Variants in PTPRN2 observed in about 807,000 individuals in gnomAD.
PTPRN2 encodes protein tyrosine phosphatase receptor type N2.
In PTPRN2, 74 loss-of-function variants were observed where a neutral mutation model predicts 118.8. The ratio of observed to expected loss-of-function variants is 0.62; its 90% CI spans 0.52 to 0.76. The LOEUF is 0.76. Among genes scored for constraint, PTPRN2 ranks in the 30% least tolerant of loss-of-function variants. The pLI is 0.00. For missense variants in PTPRN2, 1,481 were observed against 1,394.4 expected, an observed-to-expected ratio of 1.06 and a Z score of -0.99; for synonymous variants, 641 against 608.0, an observed-to-expected ratio of 1.05 and a Z score of -0.80.
intron 3 of PTPRN2, among the ~76,000 whole-genome samples, chr7:158,266,026 G>A (rs182382394): frequency 1.8e-4 from 28 of 152,324 alleles, no homozygotes; most frequent in African/African-American, 6.3e-4. Flanking sequence ...GACAGTGTCT[G>A]CTGCGGTGTG....
At chr7:158,152,173 C>CA (rs56870265) in intron 6 of PTPRN2, among the ~76,000 whole-genome samples, 15,828 of 83,292 alleles carry the variant, frequency 0.19, 1,718 homozygotes, top group Middle Eastern at 0.32. Context: ...GACTCTGTCT[C>CA]AAAAAAAAAA....
intron 14 of PTPRN2, among the ~76,000 whole-genome samples, chr7:157,654,665 G>A (rs953406620): frequency 6.6e-6 from 1 of 152,212 alleles, no homozygotes; most frequent in Non-Finnish European, 1.5e-5. Flanking sequence ...CTGTCCTTGC[G>A]GTTTAGGCAT....
chr7:158,253,879 C>T (rs12668895), intron 3 of PTPRN2, among the ~76,000 whole-genome samples: 52,893 of 76,562 alleles, frequency 0.69, 18,004 homozygotes, highest in African/African-American at 0.79. Flanking sequence ...AACTGCACGG[C>T]GGCACAGAGC....
intron 10 of PTPRN2, among the ~76,000 whole-genome samples, chr7:158,090,896 G>A (rs1207704743): frequency 6.6e-6 from 1 of 152,150 alleles, no homozygotes; most frequent in Non-Finnish European, 1.5e-5. Flanking sequence ...ATCTCAAAGT[G>A]ATTTTCTGAA....
At chr7:158,548,529 G>A (rs981263133) in intron 1 of PTPRN2, among the ~76,000 whole-genome samples, 9 of 152,112 alleles carry the variant, frequency 5.9e-5, no homozygotes, top group South Asian at 2.1e-4. Context: ...GATGACCAGG[G>A]GGCTCTTCCT....
chr7:157,637,031 A>G (rs1247303742), intron 14 of PTPRN2, among the ~76,000 whole-genome samples: 3 of 152,252 alleles, frequency 2.0e-5, no homozygotes, highest in Non-Finnish European at 2.9e-5. Context: ...TTATTTGAAC[A>G]ATATGAACAA....
chr7:158,110,986 GCCCCACAGCCCCGCTCCCTGGT>G (rs1414641433), intron 9 of PTPRN2, 71 bp from the exon 10 acceptor site: 1 of 1,305,232 alleles, frequency 7.7e-7, no homozygotes, highest in African/African-American at 1.5e-5. Flanking sequence ...AAGCCCTGTG[GCCCCACAGCCCCGCTCCCTGGT>G]CCCCACACAC....
rs766051371 is a variant in PTPRN2, at chr7:157,615,792, C to A, written c.2344+5570G>T. The A allele has an allele frequency of 2.7e-6, 1 of 365,896 alleles. No individual in the cohort carries two copies. The highest frequency in any genetic ancestry group is 5.5e-6 in the Non-Finnish European group (1 of 183,090). The allele number at this position is 365,896 out of a possible 1,614,324, so 22.7% of individuals were successfully genotyped here. Reference sequence around the variant, plus strand: ...CAGGAGATGAACACAAGGCTCGATTCTCCTGTTAAACTTGACTGTCACCAA... The same window carrying A: ...CAGGAGATGAACACAAGGCTCGATTATCCTGTTAAACTTGACTGTCACCAA... On this transcript the variant is annotated intron_variant, in intron 15 of 22. Coordinates refer to ENST00000389418, the MANE Select transcript of PTPRN2 (RefSeq NM_002847.5). The surrounding 1 kb of genome is among the most constrained non-coding windows in gnomAD (Gnocchi z 4.3).
intron 3 of PTPRN2, among the ~76,000 whole-genome samples, chr7:158,246,813 G>C (rs1048953070): frequency 6.6e-6 from 1 of 152,030 alleles, no homozygotes; most frequent in African/African-American, 2.4e-5. Context: ...GGAATCCGTG[G>C]TCATGCCGGA....
chr7:158,487,696 C>T (rs1247080001), intron 2 of PTPRN2, among the ~76,000 whole-genome samples: 5 of 152,128 alleles, frequency 3.3e-5, no homozygotes, highest in Non-Finnish European at 7.3e-5. Flanking sequence ...CCTGGGCTGC[C>T]GCACCCCTGG....
chr7:158,129,988 T>C (rs142488622), intron 9 of PTPRN2, among the ~76,000 whole-genome samples: 3 of 152,342 alleles, frequency 2.0e-5, no homozygotes, highest in East Asian at 3.9e-4. Context: ...TATTTTAGTG[T>C]AAGCTTCAAG....
intron 12 of PTPRN2, among the ~76,000 whole-genome samples, chr7:157,848,007 T>C (rs1303785521): frequency 2.1e-5 from 3 of 144,744 alleles, no homozygotes; most frequent in South Asian, 2.4e-4. Context: ...CATGTGTGCC[T>C]GATGTTTACA....
intron 3 of PTPRN2, among the ~76,000 whole-genome samples, chr7:158,284,770 G>A (rs1302174303): frequency 6.6e-6 from 1 of 152,220 alleles, no homozygotes; most frequent in African/African-American, 2.4e-5. Context: ...GTGAGCAGGT[G>A]CAGGCGATGA....
rs369900225 is a variant in PTPRN2, at chr7:157,603,977, G to A, written c.2418+25C>T. The stretch of plus-strand genomic sequence containing the variant: ...CGTGCCACCCAAGGGAAAGCCTGGG[G>A]CCCCTGTCCCGGCAGTGCACTTACG... On this transcript the variant is annotated intron_variant, in intron 16 of 22. Transcript: ENST00000389418. This position sits in a 1 kb window ranked among gnomAD's most constrained non-coding sequence, Gnocchi z 5.4. 1.1e-5 allele frequency: 17 copies of A among 1,609,662 alleles called. No homozygotes were observed. Among genetic ancestry groups the A allele is most frequent in the Non-Finnish European group, 1.4e-5 (16 of 1,176,548 alleles).
chr7:158,071,299 TGGTGGAGGTG>T lies in PTPRN2; in HGVS notation c.1723+9989_1723+9998del, dbSNP rs1811495991. Among the ~76,000 whole-genome samples, 2 of 113,766 alleles carry T rather than the reference TGGTGGAGGTG, an allele frequency of 1.8e-5. 1 individual carries two copies. The highest frequency in any genetic ancestry group is 1.8e-4 in the Admixed American group (2 of 11,370). 74.6% of individuals were successfully genotyped at this position (113,766 alleles called of 152,430 possible). ...GTGCCCGTGGTGGTGGAGGTGCTCG[TGGTGGAGGTG>T]CCCATGGTAGTGGAGGTGCCCATGG... On this transcript the variant is annotated intron_variant, in intron 11 of 22. Coordinates refer to ENST00000389418, the MANE Select transcript of PTPRN2 (RefSeq NM_002847.5).
In PTPRN2 at chr7:157,583,060, T is replaced by A. The variant is rs139481307; in HGVS notation, c.2497-4920A>T. ...GCAGAACTATTCACAATAAACAAGA[T>A]TTGGAACAACCCACATGTCTGTCAA... On this transcript the variant is annotated intron_variant, in intron 17 of 22. Transcript: ENST00000389418. The surrounding 1 kb of genome is among the most constrained non-coding windows in gnomAD (Gnocchi z 5.5). Among the ~76,000 whole-genome samples the A allele has an allele frequency of 2.1e-3, 324 of 152,236 alleles. 1 individual carries two copies. Among genetic ancestry groups the A allele is most frequent in the African/African-American group, 7.4e-3 (308 of 41,548 alleles).
intron 3 of PTPRN2, among the ~76,000 whole-genome samples, chr7:158,239,495 T>C (rs1795778215): frequency 6.6e-6 from 1 of 152,134 alleles, no homozygotes; most frequent in Admixed American, 6.5e-5. Context: ...CGTCAGAAGG[T>C]TCCAGAGGGT....
intron 11 of PTPRN2, among the ~76,000 whole-genome samples, chr7:157,955,140 A>G (rs1490462979): frequency 2.0e-5 from 3 of 152,160 alleles, no homozygotes; most frequent in African/African-American, 7.2e-5. Flanking sequence ...GGAGCAGCAC[A>G]CACGAATGCT....
chr7:157,685,050 G>A (rs910869653), intron 12 of PTPRN2, among the ~76,000 whole-genome samples: 4 of 151,804 alleles, frequency 2.6e-5, no homozygotes, highest in African/African-American at 7.2e-5. Flanking sequence ...GGCTTTTCCC[G>A]GGGGCCCGGC....
Sources: allele counts gnomAD v4.1 joint callset (sites outside exome capture counted in the v4.1 genomes callset), GRCh38; gene constraint gnomAD v4.1.1; non-coding constraint Gnocchi (gnomAD v3.1); transcripts MANE v1.5; gene names NCBI Gene and HGNC (gene_info 2026-07-23, HGNC 2026-07-21).